The following CFAP44 variants were observed in gnomAD, a reference collection of about 807,000 sequenced individuals.
The protein encoded by CFAP44 is cilia and flagella associated protein 44, also known as cilia- and flagella-associated protein 44.
In CFAP44, 134 loss-of-function variants were observed where a neutral mutation model predicts 216.2. The observed-to-expected ratio is 0.62, with a 90% CI of 0.54 to 0.72. The LOEUF is 0.72. Ranked by LOEUF, CFAP44 falls within the 30% of genes least tolerant of loss-of-function variation. CFAP44 has a pLI of 0.00. For missense variants in CFAP44, 2,035 were observed against 2,182.1 expected, an observed-to-expected ratio of 0.93 and a Z score of 1.34; for synonymous variants, 700 against 727.6, an observed-to-expected ratio of 0.96 and a Z score of 0.61.
At chr3:113,428,313 C>A (rs559725644) in intron 2 of CFAP44, among the ~76,000 whole-genome samples, 1 of 152,296 alleles carries the variant, frequency 6.6e-6, no homozygotes, top group South Asian at 2.1e-4. Flanking sequence ...AAGGTGATCA[C>A]AGATTAATGA....
At chr3:113,308,367 A>C (rs775231) in intron 28 of CFAP44, 99 bp from the exon 29 acceptor site, 738,725 of 891,192 alleles carry the variant, frequency 0.83, 308,163 homozygotes, top group East Asian at 0.91. Context: ...TAGTCACTAG[A>C]AAAATAACTC....
intron 28 of CFAP44, among the ~76,000 whole-genome samples, chr3:113,315,979 C>T (rs1950083057): frequency 6.6e-6 from 1 of 152,134 alleles, no homozygotes; most frequent in African/African-American, 2.4e-5. Context: ...CATGGTAAAT[C>T]AAGGAGCATC....
chr3:113,316,130 C>T (rs1306286019), intron 28 of CFAP44, among the ~76,000 whole-genome samples: 1 of 152,096 alleles, frequency 6.6e-6, no homozygotes, highest in African/African-American at 2.4e-5. Flanking sequence ...AACTAGAAAT[C>T]AATAACAGAA....
chr3:113,379,575 G>A, intron 16 of CFAP44, 24 bp from the exon 17 acceptor site: 1 of 1,517,816 alleles, frequency 6.6e-7, no homozygotes, highest in Non-Finnish European at 9.0e-7. Context: ...CATTAAGTAG[G>A]TATAAAAACA....
chr3:113,301,307 CT>C (rs994951676), intron 32 of CFAP44, among the ~76,000 whole-genome samples: 8 of 151,672 alleles, frequency 5.3e-5, no homozygotes, highest in South Asian at 2.1e-4. Flanking sequence ...GTAAATATAA[CT>C]TTTTTTTAAT....
At position 113,306,325 on chromosome 3, in the gene CFAP44, T is replaced by C. The variant is rs1949985245; in HGVS notation, c.4634A>G (p.Asp1545Gly). 3.3e-6 allele frequency: 5 copies of C among 1,536,114 alleles called. No individual in the cohort carries two copies. The East Asian group carries it at 7.3e-5, about 23-fold the overall frequency. ...FDDSICPTNC[D>G]VALFELALHL... ...AAGGGCCAGCTCAAAAAGAGCCACA[T>C]CACAATCTGCCAAGAGAATTAAAAT... Residue 1545 changes from aspartate (D) to glycine (G), a missense_variant, in exon 30 of 35, where the codon GAT (aspartate) becomes GGT (glycine). This residue lies in a region of CFAP44 where 1,883 missense variants were observed against 2,023.7 expected (regional missense o/e 0.93). Transcript: ENST00000393845.
At chr3:113,341,339 A>C (rs1950331483) in intron 24 of CFAP44, among the ~76,000 whole-genome samples, 2 of 151,000 alleles carry the variant, frequency 1.3e-5, no homozygotes, top group South Asian at 4.2e-4. Context: ...CTCCCATATC[A>C]ATACTGGATT....
intron 15 of CFAP44, among the ~76,000 whole-genome samples, chr3:113,394,928 G>A (rs1933949350): frequency 6.6e-6 from 1 of 152,204 alleles, no homozygotes; most frequent in African/African-American, 2.4e-5. Context: ...TAAATGTATA[G>A]TTTTTTCTCC....
chr3:113,377,557 T>A (rs947013428), intron 17 of CFAP44, among the ~76,000 whole-genome samples: 7 of 152,126 alleles, frequency 4.6e-5, no homozygotes, highest in Non-Finnish European at 8.8e-5. Context: ...GTTAAGTAAA[T>A]TACTTAGAAA....
chr3:113,349,636 C>T (rs1950423778), intron 22 of CFAP44, among the ~76,000 whole-genome samples: 1 of 152,202 alleles, frequency 6.6e-6, no homozygotes, highest in Admixed American at 6.5e-5. Flanking sequence ...AGGTGCACTG[C>T]CGCAGAGGAC....
Position 113,373,574 on chromosome 3 carries a change from A to G in CFAP44, c.2299-18T>C, listed in dbSNP as rs1317690586. 1.3e-6 allele frequency: 2 copies of G among 1,547,020 alleles called. No individual in the cohort carries two copies. The highest frequency in any genetic ancestry group is 1.7e-6 in the Non-Finnish European group (2 of 1,145,502). ...TAGCCACCCTAGAAAAGAGATAAGT[A>G]ACATAGAAGGTGGTACTTGAATATA... On this transcript the variant is annotated intron_variant, in intron 17 of 34. Transcript: ENST00000393845.
intron 18 of CFAP44, among the ~76,000 whole-genome samples, chr3:113,369,452 A>G (rs1304292610): frequency 6.6e-6 from 1 of 152,238 alleles, no homozygotes. Flanking sequence ...CTATGTGGAA[A>G]CTGAACAACC....
Position 113,291,495 on chromosome 3 carries a change from G to A in CFAP44, c.*62C>T. 6.7e-7 allele frequency: 1 copy of A among 1,496,102 alleles called. No individual in the cohort carries two copies. The highest frequency in any genetic ancestry group is 8.9e-7 in the Non-Finnish European group (1 of 1,118,086). The allele number at this position is 1,496,102 out of a possible 1,614,324, so 92.7% of individuals were successfully genotyped here. On this transcript the variant is annotated 3_prime_UTR_variant, in exon 35 of 35. Coordinates refer to ENST00000393845, the MANE Select transcript of CFAP44 (RefSeq NM_001164496.2). The stretch of plus-strand genomic sequence containing the variant: ...GTAATAAGATTGTTGGAGGTGATGA[G>A]GAGACAGAACTTCCAGTGAGTTATG...
At chr3:113,362,656 T>G (rs192214893) in intron 21 of CFAP44, among the ~76,000 whole-genome samples, 12 of 152,272 alleles carry the variant, frequency 7.9e-5, no homozygotes, top group Non-Finnish European at 1.2e-4. Flanking sequence ...GGGATGCACA[T>G]AGGAATCACA....
chr3:113,353,467 C>T (rs1950464682), intron 22 of CFAP44, among the ~76,000 whole-genome samples: 1 of 150,390 alleles, frequency 6.6e-6, no homozygotes, highest in Non-Finnish European at 1.5e-5. Context: ...CACACACACA[C>T]ACACACACAC....
At chr3:113,327,938 T>TTGTG (rs1057322225) in intron 26 of CFAP44, 119 bp from the exon 27 acceptor site, 1 of 852,916 alleles carries the variant, frequency 1.2e-6, no homozygotes, top group Non-Finnish European at 1.8e-6. Context: ...GGATGGAGAA[T>TTGTG]TGTGTGTGTG....
Position 113,289,975 on chromosome 3 carries a change from C to T in CFAP44, c.*1582G>A, listed in dbSNP as rs1376541575. On this transcript the variant is annotated 3_prime_UTR_variant, in exon 35 of 35. Coordinates refer to ENST00000393845, the MANE Select transcript of CFAP44 (RefSeq NM_001164496.2). ...AGTGTGACTGCAACTCCACGAAAGA[C>T]CCTGAGCCAGAACACCCGGCCAAGC... is the stretch of plus-strand genomic sequence containing the variant. 6.6e-6 allele frequency: 1 copy of T among 152,276 alleles called. No individual in the cohort carries two copies. Among genetic ancestry groups the T allele is most frequent in the African/African-American group, 2.4e-5 (1 of 41,468 alleles). 9.4% of individuals were successfully genotyped at this position (152,276 alleles called of 1,614,324 possible).
chr3:113,344,407 A>G, intron 23 of CFAP44, 109 bp downstream of exon 23: 1 of 894,754 alleles, frequency 1.1e-6, no homozygotes. Context: ...AAGAGGGGCA[A>G]GAGATTGAGC....
At chr3:113,352,624 A>G (rs561882238) in intron 22 of CFAP44, among the ~76,000 whole-genome samples, 1 of 152,246 alleles carries the variant, frequency 6.6e-6, no homozygotes, top group Non-Finnish European at 1.5e-5. Context: ...TGTAGAATAA[A>G]AGGCAAATAT....
Sources: allele counts gnomAD v4.1 joint callset (sites outside exome capture counted in the v4.1 genomes callset), GRCh38; gene constraint gnomAD v4.1.1; regional missense constraint gnomAD v4.1.1; transcripts MANE v1.5; gene names NCBI Gene and HGNC (gene_info 2026-07-23, HGNC 2026-07-21).